Variants in WDPCP observed in about 807,000 individuals in gnomAD.
The protein encoded by WDPCP is WD repeat-containing and planar cell polarity effector protein fritz homolog.
In WDPCP, 71 loss-of-function variants were observed where a neutral mutation model predicts 93.1. The ratio of observed to expected loss-of-function variants is 0.76; its 90% CI spans 0.63 to 0.93. The LOEUF (loss-of-function observed/expected upper bound fraction) is 0.93. WDPCP is among the 40% of genes least tolerant of loss of function. The probability of loss-of-function intolerance (pLI) is 0.00; values close to 1 mark genes in which losing one functional copy is unlikely to be tolerated. For missense variants in WDPCP, 844 were observed against 887.4 expected (o/e 0.95, Z 0.62); for synonymous variants, 315 against 315.0 (o/e 1.00, Z 0.00).
intron 17 of WDPCP, among the ~76,000 whole-genome samples, chr2:63,147,798 A>G (rs774604439): frequency 1.3e-5 from 2 of 152,010 alleles, no homozygotes; most frequent in African/African-American, 4.8e-5. Context: ...GTGAAACCTC[A>G]TCTGTACTAA....
chr2:63,277,217 G>A (rs1282040044), intron 13 of WDPCP, among the ~76,000 whole-genome samples: 1 of 49,604 alleles, frequency 2.0e-5, no homozygotes, highest in Non-Finnish European at 3.1e-5. Context: ...GCCAAGAACT[G>A]CTAAAAAAAA....
intron 2 of WDPCP, among the ~76,000 whole-genome samples, chr2:63,691,030 G>A (rs1418879148): frequency 1.3e-5 from 2 of 152,150 alleles, no homozygotes; most frequent in Non-Finnish European, 2.9e-5. Flanking sequence ...GAATGTACAT[G>A]CATAACCTTA....
At chr2:63,803,179 G>A (rs992743315) in intron 2 of WDPCP, among the ~76,000 whole-genome samples, 10 of 152,078 alleles carry the variant, frequency 6.6e-5, no homozygotes, top group African/African-American at 1.9e-4. Context: ...TGAGTCATGA[G>A]ATTTCAGACA....
intron 2 of WDPCP, among the ~76,000 whole-genome samples, chr2:63,726,653 T>C (rs959208416): frequency 1.3e-5 from 2 of 152,240 alleles, no homozygotes; most frequent in African/African-American, 4.8e-5. Flanking sequence ...TTTAACACTA[T>C]TGATTCTTAC....
chr2:63,774,675 T>C (rs1670278560), intron 2 of WDPCP, among the ~76,000 whole-genome samples: 1 of 152,176 alleles, frequency 6.6e-6, no homozygotes, highest in African/African-American at 2.4e-5. Flanking sequence ...TTGCAGTGAC[T>C]TGGCCAACAG....
At chr2:63,332,146 A>G (rs922757462) in intron 12 of WDPCP, among the ~76,000 whole-genome samples, 3 of 150,984 alleles carry the variant, frequency 2.0e-5, no homozygotes, top group African/African-American at 4.9e-5. Context: ...ATATGTTCCA[A>G]CCATTCTAAT....
intron 1 of WDPCP, among the ~76,000 whole-genome samples, chr2:63,528,613 T>G (rs1275246448): frequency 6.6e-6 from 1 of 152,036 alleles, no homozygotes; most frequent in African/African-American, 2.4e-5. Context: ...TGTTGGTTAC[T>G]GTGGACTTGT....
At chr2:63,588,868 G>T, upstream of WDPCP, 1 of 772,192 alleles carries the variant, frequency 1.3e-6, no homozygotes, top group Admixed American at 2.3e-5. Flanking sequence ...ATGCTTTGGA[G>T]ATTGCGCCAC....
chr2:63,225,300 T>C (rs966993782), intron 14 of WDPCP, among the ~76,000 whole-genome samples: 1 of 151,754 alleles, frequency 6.6e-6, no homozygotes, highest in Non-Finnish European at 1.5e-5. Flanking sequence ...CCAATAAACA[T>C]ATAAAAAGAA....
chr2:63,712,425 ATAG>A (rs890367817), intron 2 of WDPCP, among the ~76,000 whole-genome samples: 1 of 152,268 alleles, frequency 6.6e-6, no homozygotes, highest in African/African-American at 2.4e-5. Context: ...ATCAACTCCC[ATAG>A]CAAGAATAAT....
intron 2 of WDPCP, among the ~76,000 whole-genome samples, chr2:63,735,803 C>G (rs149277463): frequency 6.6e-6 from 1 of 152,104 alleles, no homozygotes; most frequent in East Asian, 1.9e-4. Context: ...TTCCAGAAAG[C>G]TAAATTCTAT....
chr2:63,649,471 C>T (rs931510012), intron 3 of WDPCP, among the ~76,000 whole-genome samples: 5 of 152,086 alleles, frequency 3.3e-5, no homozygotes, highest in African/African-American at 9.7e-5. Context: ...AGATTTTTTC[C>T]CACCTGTTGG....
intron 1 of WDPCP, among the ~76,000 whole-genome samples, chr2:63,502,420 T>C (rs1043173024): frequency 6.6e-6 from 1 of 152,246 alleles, no homozygotes; most frequent in Non-Finnish European, 1.5e-5. Context: ...AAATGATTGG[T>C]AAATTTACAT....
intron 3 of WDPCP, among the ~76,000 whole-genome samples, chr2:63,624,261 C>A (rs1371093833): frequency 6.6e-6 from 1 of 152,108 alleles, no homozygotes; most frequent in East Asian, 1.9e-4. Flanking sequence ...ACCCTGACAT[C>A]ACAATTAAAA....
At chr2:63,168,979 T>G (rs979614822) in intron 15 of WDPCP, 1 of 152,258 alleles carries the variant, frequency 6.6e-6, no homozygotes, top group African/African-American at 2.4e-5. Flanking sequence ...ATGTGGCATA[T>G]GAGATTTTAT....
intron 9 of WDPCP, among the ~76,000 whole-genome samples, chr2:63,412,112 T>A (rs997884149): frequency 6.6e-6 from 1 of 152,146 alleles, no homozygotes; most frequent in Non-Finnish European, 1.5e-5. Context: ...TTGATGAACA[T>A]TGATGCTAAA....
At chr2:63,830,497 C>A (rs1047299715), upstream of WDPCP, among the ~76,000 whole-genome samples, 3 of 152,116 alleles carry the variant, frequency 2.0e-5, no homozygotes, top group African/African-American at 7.2e-5. Context: ...TCTCTCGGAA[C>A]TATAAAGATA....
At chr2:63,531,203 G>A (rs987720166) in intron 1 of WDPCP, among the ~76,000 whole-genome samples, 1 of 152,240 alleles carries the variant, frequency 6.6e-6, no homozygotes, top group Non-Finnish European at 1.5e-5. Context: ...CTTGAACTGG[G>A]TGGAACACAC....
At chr2:63,689,867 A>G (rs1341514825) in intron 2 of WDPCP, among the ~76,000 whole-genome samples, 4 of 152,200 alleles carry the variant, frequency 2.6e-5, no homozygotes, top group Non-Finnish European at 4.4e-5. Flanking sequence ...CAAGGGGTCA[A>G]CTTGACGTTA....
Sources: allele counts gnomAD v4.1 joint callset (sites outside exome capture counted in the v4.1 genomes callset), GRCh38; gene constraint gnomAD v4.1.1; transcripts MANE v1.5; gene names NCBI Gene and HGNC (gene_info 2026-07-23, HGNC 2026-07-21).